Variants in TNRC6A observed in about 807,000 individuals in gnomAD.
TNRC6A encodes the protein trinucleotide repeat-containing gene 6A protein.
Under a neutral mutation model 221.2 loss-of-function variants are expected in TNRC6A, and 44 were observed. That is an observed-to-expected ratio of 0.20 (90% CI 0.16 to 0.26). TNRC6A has a LOEUF of 0.26. Ranked by LOEUF, TNRC6A falls within the 10% of genes least tolerant of loss-of-function variation. TNRC6A has a pLI of 1.00. For missense variants in TNRC6A, 2,199 were observed against 2,404.4 expected (o/e 0.91, Z 1.79); for synonymous variants, 847 against 838.5 (o/e 1.01, Z -0.18).
At chr16:24,616,540 A>G (rs992091337) in intron 1 of TNRC6A, among the ~76,000 whole-genome samples, 7 of 152,162 alleles carry the variant, frequency 4.6e-5, no homozygotes, top group African/African-American at 1.7e-4. Flanking sequence ...CAGTCAGAAA[A>G]TATACTCTAT....
rs71156430 is a variant in TNRC6A at position 24,648,274 on chromosome 16, C to CTTTTTTTTTTTTTTTT, written n.402+7280_402+7281insTTTTTTTTTTTTTTTT. ...GCAATTGTACCACTTTCCACAGCAA[C>CTTTTTTTTTTTTTTTT]TTTTTTTTTTTTTTTGAGATGGAGT... On this transcript the variant is annotated intron_variant and non_coding_transcript_variant, in intron 2 of 2. Transcript: ENST00000566108. Among the ~76,000 whole-genome samples the CTTTTTTTTTTTTTTTT allele has an allele frequency of 7.0e-3, 688 of 97,776 alleles. 78 individuals are homozygous for CTTTTTTTTTTTTTTTT. Among genetic ancestry groups the CTTTTTTTTTTTTTTTT allele is most frequent in the Non-Finnish European group, 8.6e-3 (454 of 52,766 alleles). The allele number at this position is 97,776 out of a possible 152,430, so 64.1% of individuals were successfully genotyped here. A position where few individuals can be genotyped will look rare whatever the true frequency, so the allele number is the denominator to read the frequency against.
At chr16:24,652,210 A>T (rs1230406805) in intron 2 of TNRC6A, among the ~76,000 whole-genome samples, 3 of 152,206 alleles carry the variant, frequency 2.0e-5, no homozygotes, top group African/African-American at 7.2e-5. Flanking sequence ...AATTTAGAAT[A>T]AAAGAACTTA....
chr16:24,669,069 A>T (rs956745660), intron 2 of TNRC6A, among the ~76,000 whole-genome samples: 1 of 152,042 alleles, frequency 6.6e-6, no homozygotes, highest in Non-Finnish European at 1.5e-5. Context: ...TATTTGACCA[A>T]TGAAAGGGGG....
intron 2 of TNRC6A, among the ~76,000 whole-genome samples, chr16:24,656,275 C>T (rs1178712284): frequency 6.6e-6 from 1 of 151,576 alleles, no homozygotes; most frequent in Non-Finnish European, 1.5e-5. Context: ...CCAGCCTGGC[C>T]AACATGGCAA....
chr16:24,774,074 T>C (rs1236899297), intron 4 of TNRC6A, among the ~76,000 whole-genome samples: 1 of 152,198 alleles, frequency 6.6e-6, no homozygotes. Context: ...CCATTTTCCA[T>C]GTCCGTTGAA....
intron 19 of TNRC6A, chr16:24,815,661 C>G (rs1271054815): frequency 3.7e-6 from 1 of 268,056 alleles, no homozygotes; most frequent in African/African-American, 2.2e-5. Flanking sequence ...CGAGACCATG[C>G]TGGCTAACAC....
chr16:24,670,547 C>A (rs1567342142), intron 2 of TNRC6A, among the ~76,000 whole-genome samples: 1 of 152,142 alleles, frequency 6.6e-6, no homozygotes, highest in Non-Finnish European at 1.5e-5. Context: ...ATGTAAAAAT[C>A]TGCTTCTCTT....
chr16:24,766,579 ACTT>A (rs2057475937), intron 4 of TNRC6A, among the ~76,000 whole-genome samples: 1 of 152,182 alleles, frequency 6.6e-6, no homozygotes, highest in Admixed American at 6.5e-5. Flanking sequence ...GGATCTATCA[ACTT>A]CATAAATTTG....
At chr16:24,716,083 T>A (rs961016864) in intron 2 of TNRC6A, among the ~76,000 whole-genome samples, 4 of 152,108 alleles carry the variant, frequency 2.6e-5, no homozygotes, top group African/African-American at 9.7e-5. Flanking sequence ...GACACCGAGA[T>A]ACATTGCTTC....
chr16:24,632,452 A>G (rs1901398166), intron 1 of TNRC6A, among the ~76,000 whole-genome samples: 1 of 152,118 alleles, frequency 6.6e-6, no homozygotes, highest in African/African-American at 2.4e-5. Flanking sequence ...TCCATAGTCA[A>G]GTTCCTCTGG....
intron 22 of TNRC6A, 185 bp from the exon 23 acceptor site, chr16:24,821,892 C>G: frequency 1.7e-6 from 1 of 596,796 alleles, no homozygotes; most frequent in Admixed American, 3.0e-5. Context: ...GCAGAGCCCC[C>G]TGCCATAGGA....
At chr16:24,662,097 C>T (rs2055046987) in intron 2 of TNRC6A, 1 of 152,106 alleles carries the variant, frequency 6.6e-6, no homozygotes, top group Middle Eastern at 3.4e-3. Flanking sequence ...AATCTGTGCT[C>T]TTTAATTCAT....
At position 24,805,591 on chromosome 16, in the gene TNRC6A, A is replaced by C. The variant is rs771840118; in HGVS notation, c.4123-14A>C. The C allele has an allele frequency of 1.9e-6, 3 of 1,613,912 alleles. No homozygotes were observed. In the South Asian group the frequency reaches 3.3e-5, roughly 18 times the overall value. On this transcript the variant is annotated splice_polypyrimidine_tract_variant and intron_variant, in intron 14 of 24. Transcript: ENST00000395799. The stretch of plus-strand genomic sequence containing the variant: ...ATTTTATCAAGATCATTAACTTACC[A>C]TTGTGATCCTAAGGTTCCAGTTTCA...
intron 2 of TNRC6A, among the ~76,000 whole-genome samples, chr16:24,713,617 C>T (rs148603476): frequency 1.5e-3 from 229 of 152,038 alleles, no homozygotes; most frequent in Non-Finnish European, 2.6e-3. Context: ...AAGATTTTCT[C>T]TTAATCATTG....
rs545403812 is a variant in TNRC6A, at chr16:24,785,563, CTA to C, written c.590-3667_590-3666del. ...TTTTTCATGTTGATCTTTTTTGCCT[CTA>C]TTCTATTATTTTTACCTCTCATTTT... is the stretch of plus-strand genomic sequence containing the variant. On this transcript the variant is annotated intron_variant, in intron 5 of 24. Transcript: ENST00000395799. Among the ~76,000 whole-genome samples the C allele has an allele frequency of 9.2e-4, 140 of 152,054 alleles. 1 individual carries two copies. Among genetic ancestry groups the C allele is most frequent in the Middle Eastern group, 3.4e-3 (1 of 294 alleles).
chr16:24,694,522 G>C (rs910056962), intron 2 of TNRC6A, among the ~76,000 whole-genome samples: 6 of 151,808 alleles, frequency 4.0e-5, no homozygotes, highest in Admixed American at 2.6e-4. Context: ...GGGTGTGGCA[G>C]CTTGTGCCTG....
Position 24,820,174 on chromosome 16 carries a change from G to A in TNRC6A, c.5116G>A (p.Gly1706Ser). ...TGATTCCAAATTGACATGGTCTCCT[G>A]GTTCAGTTACAAACACCTCTCTGGC... ...NSDSKLTWSP[G>S]SVTNTSLAHE... Residue 1706 changes from glycine to serine, a missense_variant, in exon 22 of 25, where the codon GGT becomes AGT. Coordinates refer to ENST00000395799, the MANE Select transcript of TNRC6A (RefSeq NM_014494.4). 6.2e-7 allele frequency: 1 copy of A among 1,614,086 alleles called. No homozygotes were observed. Among genetic ancestry groups the A allele is most frequent in the Non-Finnish European group, 8.5e-7 (1 of 1,180,018 alleles).
At chr16:24,767,751 A>C (rs1191992645) in intron 4 of TNRC6A, among the ~76,000 whole-genome samples, 2 of 152,180 alleles carry the variant, frequency 1.3e-5, no homozygotes, top group African/African-American at 4.8e-5. Context: ...TGTATTTCTT[A>C]ACTAATTTAT....
intron 2 of TNRC6A, chr16:24,664,916 A>G (rs1362633917): frequency 2.2e-6 from 1 of 456,142 alleles, no homozygotes; most frequent in African/African-American, 2.0e-5. Flanking sequence ...AACGGAAGTG[A>G]CGACAGACAG....
Sources: gnomAD v4.1 joint callset for allele counts (sites outside exome capture counted in the v4.1 genomes callset) on GRCh38, gnomAD v4.1.1 for gene constraint, MANE v1.5 for transcripts, NCBI Gene and HGNC (gene_info 2026-07-23, HGNC 2026-07-21) for gene names.